The following HSF2 variants were observed in gnomAD, a reference collection of about 807,000 sequenced individuals.
The protein encoded by HSF2 is heat shock factor protein 2.
HSF2 carries 21 observed loss-of-function variants against 65.0 expected under a neutral mutation model. That is an observed-to-expected ratio of 0.32 (90% confidence interval 0.23 to 0.47). HSF2 has a LOEUF of 0.47. Ranked by LOEUF, HSF2 falls within the 20% of genes least tolerant of loss-of-function variation. The pLI is 1.00. For synonymous variants in HSF2, 225 were observed against 219.1 expected, an observed-to-expected ratio of 1.03 and a Z score of -0.24; for missense variants, 499 against 628.1, an observed-to-expected ratio of 0.79 and a Z score of 2.20.
At position 122,416,300 on chromosome 6, in the gene HSF2, A is replaced by G. The variant is rs1434312623; in HGVS notation, c.531+4A>G. 3 of 1,603,692 alleles carry G rather than the reference A, an allele frequency of 1.9e-6. No homozygotes were observed. Among genetic ancestry groups the G allele is most frequent in the Admixed American group, 1.7e-5 (1 of 59,964 alleles). On this transcript the variant is annotated splice_donor_region_variant and intron_variant, in intron 5 of 12. Transcript: ENST00000368455. ...ACAGCAACAAGTTATTCGAAAGGTAAGAAGCTCTTTTCCCCAGGACCATAA... is the reference window on the plus strand; with the variant it reads ...ACAGCAACAAGTTATTCGAAAGGTAGGAAGCTCTTTTCCCCAGGACCATAA...
At chr6:122,401,657 T>A (rs534682183) in intron 1 of HSF2, among the ~76,000 whole-genome samples, 13 of 152,354 alleles carry the variant, frequency 8.5e-5, no homozygotes, top group African/African-American at 3.1e-4. Context: ...GCTTATGTGT[T>A]AACCAATTTT....
At chr6:122,407,239 T>A (rs915089952) in intron 1 of HSF2, among the ~76,000 whole-genome samples, 19 of 152,172 alleles carry the variant, frequency 1.2e-4, no homozygotes, top group Admixed American at 5.9e-4. Flanking sequence ...TTCTTGTATA[T>A]CTCTCCTGGT....
intron 5 of HSF2, among the ~76,000 whole-genome samples, chr6:122,418,511 A>C (rs891332482): frequency 1.3e-5 from 2 of 152,238 alleles, no homozygotes; most frequent in Non-Finnish European, 2.9e-5. Flanking sequence ...TTCTCTCTAA[A>C]TTTAATTAAA....
At chr6:122,418,856 A>G (rs1582615455) in intron 5 of HSF2, among the ~76,000 whole-genome samples, 2 of 152,152 alleles carry the variant, frequency 1.3e-5, no homozygotes, top group East Asian at 3.9e-4. Context: ...GGTATAAGAA[A>G]AATGTTGCCT....
chr6:122,425,270 G>T (rs1351320963), intron 10 of HSF2, among the ~76,000 whole-genome samples: 1 of 151,854 alleles, frequency 6.6e-6, no homozygotes, highest in Non-Finnish European at 1.5e-5. Context: ...GCTTTGTATT[G>T]TGTTGCTTAT....
intron 1 of HSF2, among the ~76,000 whole-genome samples, chr6:122,402,652 AAACGATTCTTCTGCCTC>A (rs1773764282): frequency 6.6e-6 from 1 of 151,818 alleles, no homozygotes; most frequent in African/African-American, 2.4e-5. Context: ...TCCTGGGCTC[AAACGATTCTTCTGCCTC>A]AGCGTCTCGA....
chr6:122,423,209 T>C (rs1006799363), intron 9 of HSF2, among the ~76,000 whole-genome samples: 4 of 152,140 alleles, frequency 2.6e-5, no homozygotes, highest in African/African-American at 7.2e-5. Flanking sequence ...GTGTTTGTGA[T>C]TATATATATT....
At chr6:122,404,598 A>AGG (rs3839526) in intron 1 of HSF2, among the ~76,000 whole-genome samples, 22,086 of 152,050 alleles carry the variant, frequency 0.15, 1,660 homozygotes, top group East Asian at 0.25. Context: ...GAGTGCCAAA[A>AGG]TTAATTTGGA....
chr6:122,404,860 GAT>G (rs1376881312), intron 1 of HSF2, among the ~76,000 whole-genome samples: 3 of 152,200 alleles, frequency 2.0e-5, no homozygotes, highest in Non-Finnish European at 2.9e-5. Context: ...GAGATAGAGT[GAT>G]ATGAATGAAT....
chr6:122,399,727 C>T lies in HSF2; in HGVS notation c.-11C>T, dbSNP rs755153574. On this transcript the variant is annotated 5_prime_UTR_variant, in exon 1 of 13. Coordinates refer to ENST00000368455, the MANE Select transcript of HSF2 (RefSeq NM_004506.4). ...GGGTGTAGAATTTGGAATCCCTGCG[C>T]CGCGTTAACAATGAAGCAGAGTTCG... 1 of 1,608,262 alleles carries T rather than the reference C, an allele frequency of 6.2e-7. No homozygotes were observed. The highest frequency in any genetic ancestry group is 8.5e-7 in the Non-Finnish European group (1 of 1,176,906).
intron 10 of HSF2, among the ~76,000 whole-genome samples, chr6:122,427,645 A>G (rs975816261): frequency 6.6e-6 from 1 of 152,012 alleles, no homozygotes; most frequent in Admixed American, 6.6e-5. Context: ...GAAAACCACT[A>G]TTTGTCTCAA....
At chr6:122,412,062 C>T (rs1213218319) in intron 1 of HSF2, among the ~76,000 whole-genome samples, 1 of 151,452 alleles carries the variant, frequency 6.6e-6, no homozygotes, top group Non-Finnish European at 1.5e-5. Flanking sequence ...ATTATGCTGT[C>T]TACATAATTG....
chr6:122,424,511 T>TAAA, intron 10 of HSF2, among the ~76,000 whole-genome samples: 1 of 152,238 alleles, frequency 6.6e-6, no homozygotes, highest in South Asian at 2.1e-4. Context: ...TTCAATCTTA[T>TAAA]TTCAAGTTCA....
At chr6:122,407,264 G>A (rs1773887771) in intron 1 of HSF2, among the ~76,000 whole-genome samples, 1 of 152,132 alleles carries the variant, frequency 6.6e-6, no homozygotes, top group Non-Finnish European at 1.5e-5. Flanking sequence ...ATAAGCAAGA[G>A]TTTCTCTAAG....
At chr6:122,415,477 A>G (rs1426932346) in intron 4 of HSF2, among the ~76,000 whole-genome samples, 1 of 152,164 alleles carries the variant, frequency 6.6e-6, no homozygotes, top group Non-Finnish European at 1.5e-5. Flanking sequence ...AATGTCTAGC[A>G]TAGTGCTTAG....
At chr6:122,410,754 G>A (rs1166715667) in intron 1 of HSF2, among the ~76,000 whole-genome samples, 1 of 151,642 alleles carries the variant, frequency 6.6e-6, no homozygotes, top group African/African-American at 2.4e-5. Context: ...CCTTTTTTAG[G>A]TGAAATAATA....
chr6:122,423,814 T>C (rs759213535), intron 10 of HSF2, 128 bp downstream of exon 10: 1 of 496,816 alleles, frequency 2.0e-6, no homozygotes, highest in Non-Finnish European at 3.5e-6. Flanking sequence ...AAATTAATAA[T>C]TTTGTTTATC....
chr6:122,423,709 G>T (rs375361142), intron 10 of HSF2, 23 bp downstream of exon 10: 35 of 1,307,424 alleles, frequency 2.7e-5, no homozygotes, highest in Non-Finnish European at 3.3e-5. Flanking sequence ...GGTAATCTTT[G>T]CTATACTGGT....
chr6:122,399,617 C>T, upstream of HSF2: 1 of 732,798 alleles, frequency 1.4e-6, no homozygotes, highest in Non-Finnish European at 2.2e-6. Flanking sequence ...GTTGGGGGGG[C>T]GGGGACCAAG....
Sources: allele counts gnomAD v4.1 joint callset (sites outside exome capture counted in the v4.1 genomes callset), GRCh38; gene constraint gnomAD v4.1.1; transcripts MANE v1.5; gene names NCBI Gene and HGNC (gene_info 2026-07-23, HGNC 2026-07-21).